Variants in YES1 observed in about 807,000 individuals in gnomAD.
YES1 encodes YES proto-oncogene 1, Src family tyrosine kinase.
YES1 carries 39 observed loss-of-function variants against 70.4 expected under a neutral mutation model. The observed-to-expected ratio is 0.55, with a 90% CI of 0.43 to 0.72. YES1 has a LOEUF of 0.72. Ranked by LOEUF, YES1 falls within the 30% of genes least tolerant of loss-of-function variation. The pLI is 0.00. For missense variants in YES1, 495 were observed against 644.8 expected (o/e 0.77, Z 2.52); for synonymous variants, 198 against 218.6 (o/e 0.91, Z 0.83).
Position 751,591 on chromosome 18 carries a change from G to A in YES1, c.371+114C>T, listed in dbSNP as rs1354156620. On this transcript the variant is annotated intron_variant, in intron 3 of 11. Coordinates refer to ENST00000314574, the MANE Select transcript of YES1 (RefSeq NM_005433.4). ...AAGCCAATGCATCGTTAAACACAGT[G>A]GGCAGCCCATGCCCTACCTCTCTCA... 5 of 690,214 alleles carry A rather than the reference G, an allele frequency of 7.2e-6. No individual in the cohort carries two copies. The Admixed American group carries it at 1.3e-4, about 17-fold the overall frequency. 42.8% of individuals were successfully genotyped at this position (690,214 alleles called of 1,614,324 possible).
Position 748,017 on chromosome 18 carries a change from C to G in YES1, c.373G>C (p.Glu125Gln). ...GATCTTGCTTCCCACCAATCTCCTT[C>G]CCTGCAACACATAAAACAGCAATCA... ...GERFQIINNT[E>Q]GDWWEARSIA... The change falls in exon 4 of 12, where the codon GAA (glutamate) becomes CAA (glutamine). Residue 125 changes from glutamate to glutamine, a missense_variant and splice_region_variant. Physicochemically the swap from Glu to Gln is conservative, Grantham distance 29. This residue lies in a region of YES1 where 385 missense variants were observed against 540.9 expected (regional missense o/e 0.71). Coordinates refer to ENST00000314574, the MANE Select transcript of YES1 (RefSeq NM_005433.4). The G allele has an allele frequency of 6.2e-7, 1 of 1,613,718 alleles. No individual in the cohort carries two copies.
intron 3 of YES1, among the ~76,000 whole-genome samples, chr18:748,659 T>A (rs1178066723): frequency 2.6e-5 from 4 of 152,168 alleles, no homozygotes; most frequent in Non-Finnish European, 5.9e-5. Flanking sequence ...CTTTTGTAAT[T>A]GACTTCTTTT....
intron 6 of YES1, among the ~76,000 whole-genome samples, chr18:744,143 A>G (rs2080250218): frequency 6.6e-6 from 1 of 151,702 alleles, no homozygotes; most frequent in African/African-American, 2.4e-5. Context: ...CTTCACAAGT[A>G]TCTCATATAT....
chr18:733,005 A>C, intron 10 of YES1, 40 bp from the exon 11 acceptor site: 1 of 1,608,962 alleles, frequency 6.2e-7, no homozygotes, highest in Non-Finnish European at 8.5e-7. Context: ...TGTTTTTTAA[A>C]AATCTATTTG....
chr18:775,039 G>T (rs1905310479), intron 1 of YES1: 1 of 152,214 alleles, frequency 6.6e-6, no homozygotes, highest in Non-Finnish European at 1.5e-5. Context: ...TGGGTGCAAA[G>T]TCTGAGTCCG....
chr18:758,545 T>C (rs1447080388), intron 1 of YES1, among the ~76,000 whole-genome samples: 1 of 152,200 alleles, frequency 6.6e-6, no homozygotes, highest in Non-Finnish European at 1.5e-5. Flanking sequence ...TAAAATTGTC[T>C]CTGTTCCAAG....
At chr18:792,005 C>T (rs909806083) in intron 1 of YES1, among the ~76,000 whole-genome samples, 1 of 152,138 alleles carries the variant, frequency 6.6e-6, no homozygotes, top group African/African-American at 2.4e-5. Flanking sequence ...AGCCACATTT[C>T]AAGTGCTCAT....
chr18:743,574 A>C (rs1229935615), intron 6 of YES1, among the ~76,000 whole-genome samples, 159 bp from the exon 7 acceptor site: 2 of 152,226 alleles, frequency 1.3e-5, no homozygotes, highest in East Asian at 3.8e-4. Flanking sequence ...GTCCATAAGC[A>C]GCAAAACATG....
At chr18:789,161 T>C (rs144087865) in intron 1 of YES1, among the ~76,000 whole-genome samples, 18 of 152,286 alleles carry the variant, frequency 1.2e-4, no homozygotes, top group African/African-American at 4.3e-4. Flanking sequence ...ACAGAACATA[T>C]GCTATAAAAC....
At chr18:772,877 A>C (rs918122973) in intron 1 of YES1, among the ~76,000 whole-genome samples, 1 of 152,176 alleles carries the variant, frequency 6.6e-6, no homozygotes, top group Non-Finnish European at 1.5e-5. Context: ...CTTCCACAGC[A>C]CTTTAATTGC....
In YES1 at chr18:736,972, G is replaced by C; in HGVS notation, c.1138-11C>G. 1 of 1,590,518 alleles carries C rather than the reference G, an allele frequency of 6.3e-7. No homozygotes were observed. Among genetic ancestry groups the C allele is most frequent in the South Asian group, 1.1e-5 (1 of 87,594 alleles). On this transcript the variant is annotated splice_polypyrimidine_tract_variant and intron_variant, in intron 9 of 11. Coordinates refer to ENST00000314574, the MANE Select transcript of YES1 (RefSeq NM_005433.4). ...CATACCATCAGCAATCTTGGAAAGAGAAAAACAAAAAACACAAGACATACG... is the reference window on the plus strand; with the variant it reads ...CATACCATCAGCAATCTTGGAAAGACAAAAACAAAAAACACAAGACATACG...
chr18:796,901 G>T (rs1906572814), intron 1 of YES1, among the ~76,000 whole-genome samples: 1 of 152,100 alleles, frequency 6.6e-6, no homozygotes. Flanking sequence ...CAGTAGTGAG[G>T]TATATCATCT....
At chr18:748,365 T>C (rs2080304767) in intron 3 of YES1, among the ~76,000 whole-genome samples, 1 of 151,168 alleles carries the variant, frequency 6.6e-6, no homozygotes, top group African/African-American at 2.4e-5. Context: ...CTTTTCTTTT[T>C]TTTTTTTTTA....
At chr18:810,951 T>A (rs1333264850) in intron 1 of YES1, among the ~76,000 whole-genome samples, 1 of 150,950 alleles carries the variant, frequency 6.6e-6, no homozygotes, top group African/African-American at 2.5e-5. Context: ...CCAAGCACTG[T>A]GATAGTTAAG....
intron 1 of YES1, among the ~76,000 whole-genome samples, chr18:777,188 G>C (rs1182820750): frequency 6.6e-6 from 1 of 152,092 alleles, no homozygotes; most frequent in Admixed American, 6.6e-5. Flanking sequence ...AACAAGAAGG[G>C]GAGGAGGCTA....
At chr18:784,134 G>A (rs1169527732) in intron 1 of YES1, among the ~76,000 whole-genome samples, 3 of 152,016 alleles carry the variant, frequency 2.0e-5, no homozygotes, top group Non-Finnish European at 4.4e-5. Flanking sequence ...ATGTCCATGG[G>A]ACAGTTACTA....
At position 744,689 on chromosome 18, in the gene YES1, C is replaced by CTTTTTT. The variant is rs71174284; in HGVS notation, c.724+1013_724+1018dup. Among the ~76,000 whole-genome samples, 93 of 56,868 alleles carry CTTTTTT rather than the reference C, an allele frequency of 1.6e-3. 17 individuals are homozygous for CTTTTTT. The highest frequency in any genetic ancestry group is 4.8e-3 in the African/African-American group (77 of 16,126). 37.3% of individuals were successfully genotyped at this position (56,868 alleles called of 152,430 possible). A position where few individuals can be genotyped will look rare whatever the true frequency, so the allele number is the denominator to read the frequency against. On this transcript the variant is annotated intron_variant, in intron 6 of 11. Coordinates refer to ENST00000314574, the MANE Select transcript of YES1 (RefSeq NM_005433.4). Reference sequence around the variant, plus strand: ...ACAGGAGTGAGCCACCACGCCTGGCCTTTTTTTTTTTTTTTTTTTTTTTTT... The same window carrying CTTTTTT: ...ACAGGAGTGAGCCACCACGCCTGGCCTTTTTTTTTTTTTTTTTTTTTTTTTTTTTTT...
At chr18:799,780 A>C (rs1722856340) in intron 1 of YES1, among the ~76,000 whole-genome samples, 1 of 152,170 alleles carries the variant, frequency 6.6e-6, no homozygotes. Flanking sequence ...ATACACCTGT[A>C]ATCTCAGCTA....
At chr18:746,159 T>C in intron 4 of YES1, 108 bp from the exon 5 acceptor site, 1 of 730,790 alleles carries the variant, frequency 1.4e-6, no homozygotes, top group Non-Finnish European at 2.3e-6. Context: ...AAAGAATAGC[T>C]AGAGAACATG....
Sources: allele counts gnomAD v4.1 joint callset (sites outside exome capture counted in the v4.1 genomes callset), GRCh38; gene constraint gnomAD v4.1.1; regional missense constraint gnomAD v4.1.1; transcripts MANE v1.5; gene names NCBI Gene and HGNC (gene_info 2026-07-23, HGNC 2026-07-21).